Variants in XPO5 observed in about 807,000 individuals in gnomAD.
XPO5 encodes exportin 5, also known as exportin-5.
XPO5 carries 46 observed loss-of-function variants against 160.6 expected under a neutral mutation model. That is an observed-to-expected ratio of 0.29 (90% CI 0.23 to 0.37). The LOEUF is 0.37. XPO5 is among the 10% of genes least tolerant of loss of function. The pLI, the probability that XPO5 is intolerant of heterozygous loss-of-function variation, is 1.00. For missense variants in XPO5, 1,090 were observed against 1,463.9 expected (o/e 0.74, Z 4.17); for synonymous variants, 537 against 519.3 (o/e 1.03, Z -0.46).
At chr6:43,573,778 A>G (rs1763130900) in intron 1 of XPO5, among the ~76,000 whole-genome samples, 177 bp from the exon 2 acceptor site, 1 of 150,182 alleles carries the variant, frequency 6.7e-6, no homozygotes, top group South Asian at 2.1e-4. Flanking sequence ...TAGCCTAGGC[A>G]ACATGGCGAA....
chr6:43,558,355 G>T, intron 12 of XPO5, 146 bp downstream of exon 12: 1 of 685,364 alleles, frequency 1.5e-6, no homozygotes, highest in Non-Finnish European at 2.4e-6. Context: ...GCACTCTTCT[G>T]CAATGGGAAA....
In XPO5 at chr6:43,526,960, G is replaced by C. The variant is rs141477051; in HGVS notation, c.2921-213C>G. On this transcript the variant is annotated intron_variant, in intron 26 of 31. Coordinates refer to ENST00000265351, the MANE Select transcript of XPO5 (RefSeq NM_020750.3). ...GTCCTTCAAGTTCAACTAGCTGAGA[G>C]AAAATTACAGAATTCTCTGAGAGTG... 4,660 of 549,554 alleles carry C rather than the reference G, an allele frequency of 8.5e-3. 29 individuals are homozygous for C. The highest frequency in any genetic ancestry group is 0.024 in the Middle Eastern group (49 of 2,016). The allele number at this position is 549,554 out of a possible 1,614,324, so 34.0% of individuals were successfully genotyped here.
intron 9 of XPO5, 104 bp downstream of exon 9, chr6:43,562,143 C>T: frequency 1.2e-6 from 1 of 803,242 alleles, no homozygotes; most frequent in Non-Finnish European, 2.0e-6. Context: ...ACTGCCCCAT[C>T]AGGCTAAAAT....
chr6:43,563,254 T>A (rs908528318), intron 8 of XPO5, among the ~76,000 whole-genome samples: 1 of 152,144 alleles, frequency 6.6e-6, no homozygotes, highest in Non-Finnish European at 1.5e-5. Context: ...GCCTCCCAAG[T>A]AGCTGGGACT....
intron 5 of XPO5, among the ~76,000 whole-genome samples, chr6:43,569,811 G>A (rs998488955): frequency 4.6e-5 from 7 of 151,640 alleles, no homozygotes; most frequent in East Asian, 1.9e-4. Flanking sequence ...GGCTGGGCTC[G>A]GTGGCTCACA....
At chr6:43,529,249 G>C (rs766135958) in intron 23 of XPO5, 1 of 1,377,986 alleles carries the variant, frequency 7.3e-7, no homozygotes, top group Non-Finnish European at 9.7e-7. Flanking sequence ...ATAATTTCAG[G>C]TAAGAAAGAT....
intron 17 of XPO5, among the ~76,000 whole-genome samples, 156 bp downstream of exon 17, chr6:43,549,333 G>C (rs1795118409): frequency 6.6e-6 from 1 of 152,158 alleles, no homozygotes; most frequent in Non-Finnish European, 1.5e-5. Flanking sequence ...CAAAGTGTTG[G>C]GATTACAGGT....
At chr6:43,536,787 A>AAAAAAAAAG (rs1561869430) in intron 20 of XPO5, among the ~76,000 whole-genome samples, 1 of 148,472 alleles carries the variant, frequency 6.7e-6, no homozygotes, top group African/African-American at 2.6e-5. Flanking sequence ...AAAAAAAAAA[A>AAAAAAAAAG]AAAGCAGCTT....
chr6:43,545,723 CAA>C (rs11324075), intron 20 of XPO5, among the ~76,000 whole-genome samples: 1 of 147,536 alleles, frequency 6.8e-6, no homozygotes, highest in Non-Finnish European at 1.5e-5. Context: ...AACAAACAAA[CAA>C]AAAAAAAACC....
intron 26 of XPO5, 122 bp downstream of exon 26, chr6:43,527,511 AT>A: frequency 1.1e-6 from 1 of 930,148 alleles, no homozygotes; most frequent in South Asian, 1.6e-5. Flanking sequence ...TGACCTCGCA[AT>A]CCACCATGCC....
chr6:43,551,217 C>T, intron 15 of XPO5, 81 bp downstream of exon 15: 1 of 1,381,502 alleles, frequency 7.2e-7, no homozygotes. Context: ...GTAGCAAGAT[C>T]CTGTCTCCAA....
chr6:43,530,817 T>C lies in XPO5; in HGVS notation c.2548A>G (p.Ile850Val). 1 of 1,611,722 alleles carries C rather than the reference T, an allele frequency of 6.2e-7. No homozygotes were observed. The highest frequency in any genetic ancestry group is 8.5e-7 in the Non-Finnish European group (1 of 1,179,086). ...ATGGAAGGGCCTGCCTTCCCTAGGATATGAAAACTGTAAAGGGGAAAAAAA... is the reference window on the plus strand; with the variant it reads ...ATGGAAGGGCCTGCCTTCCCTAGGACATGAAAACTGTAAAGGGGAAAAAAA... ...FSTLYENCFH[I>V]LGKAGPSMQQ... The change falls in exon 23 of 32, where the codon ATC (isoleucine) becomes GTC (valine). Residue 850 changes from isoleucine (I) to valine (V), a missense_variant. Around this residue, in one of 3 missense-constraint regions of XPO5, gnomAD observed 810 missense variants for 1,139.0 expected, o/e 0.71. Transcript: ENST00000265351.
chr6:43,565,286 G>A (rs955309012), intron 8 of XPO5, among the ~76,000 whole-genome samples: 9 of 152,054 alleles, frequency 5.9e-5, no homozygotes, highest in Non-Finnish European at 1.2e-4. Flanking sequence ...AAGAACTTCA[G>A]GTGGGCACAG....
At chr6:43,540,257 A>C (rs1219893391) in intron 20 of XPO5, among the ~76,000 whole-genome samples, 7 of 152,072 alleles carry the variant, frequency 4.6e-5, no homozygotes, top group Admixed American at 3.3e-4. Flanking sequence ...GGCCGGGCGG[A>C]TCACGAGGTC....
intron 13 of XPO5, among the ~76,000 whole-genome samples, chr6:43,554,421 T>C (rs1179295804): frequency 6.7e-6 from 1 of 148,696 alleles, no homozygotes; most frequent in Non-Finnish European, 1.5e-5. Flanking sequence ...GCTTTTCTTT[T>C]CTTTTTTTTT....
At chr6:43,546,845 G>A (rs1024176030) in intron 19 of XPO5, 93 bp from the exon 20 acceptor site, 18 of 1,214,176 alleles carry the variant, frequency 1.5e-5, no homozygotes, top group Non-Finnish European at 2.0e-5. Flanking sequence ...TGGCAAAAGT[G>A]ACACAGAGGC....
rs35493258 is a variant in XPO5, at chr6:43,529,378, T to TAA, written c.2678-455_2678-454dup. The TAA allele has an allele frequency of 5.2e-3, 635 of 121,740 alleles. 7 individuals carry two copies. Among genetic ancestry groups the TAA allele is most frequent in the South Asian group, 9.8e-3 (168 of 17,218 alleles). The allele number at this position is 121,740 out of a possible 1,614,324, so 7.5% of individuals were successfully genotyped here. A position where few individuals can be genotyped will look rare whatever the true frequency, so the allele number is the denominator to read the frequency against. ...TAACATGGTGAAACCCCGTCTCTAC[T>TAA]AAAAAAAAAAAAAAAAAAAAAAAAA... On this transcript the variant is annotated intron_variant, in intron 23 of 31. Transcript: ENST00000265351.
chr6:43,530,667 TAG>T lies in XPO5; in HGVS notation c.2677+19_2677+20del. ...TAATTTTCTGACCTTTTGGGTTATGTAGAGACTTTTGAAAGGATATGAAGCAT... is the reference window on the plus strand; with the variant it reads ...TAATTTTCTGACCTTTTGGGTTATGTAGACTTTTGAAAGGATATGAAGCAT... On this transcript the variant is annotated intron_variant, in intron 23 of 31. Transcript: ENST00000265351. 1 of 1,610,684 alleles carries T rather than the reference TAG, an allele frequency of 6.2e-7. No homozygotes were observed. The highest frequency in any genetic ancestry group is 8.5e-7 in the Non-Finnish European group (1 of 1,178,906).
At chr6:43,567,133 A>G in intron 7 of XPO5, 36 bp downstream of exon 7, 2 of 1,580,596 alleles carry the variant, frequency 1.3e-6, no homozygotes, top group Non-Finnish European at 1.7e-6. Context: ...CCTACTTCAG[A>G]GACTGAGGAT....
Sources: gnomAD v4.1 joint callset for allele counts (sites outside exome capture counted in the v4.1 genomes callset) on GRCh38, gnomAD v4.1.1 for gene constraint, gnomAD v4.1.1 regional missense constraint, MANE v1.5 for transcripts, NCBI Gene and HGNC (gene_info 2026-07-23, HGNC 2026-07-21) for gene names.